The following CLCN3 variants were observed in gnomAD, a reference collection of about 807,000 sequenced individuals.
The protein encoded by CLCN3 is H(+)/Cl(-) exchange transporter 3.
CLCN3 carries 16 observed loss-of-function variants against 83.4 expected under a neutral mutation model. That is an observed-to-expected ratio of 0.19 (90% CI 0.13 to 0.29). CLCN3 has a LOEUF of 0.29. Ranked by LOEUF, CLCN3 falls within the 10% of genes least tolerant of loss-of-function variation. The probability of loss-of-function intolerance (pLI) is 1.00; values close to 1 mark genes in which losing one functional copy is unlikely to be tolerated. For synonymous variants in CLCN3, 322 were observed against 346.2 expected (o/e 0.93, Z 0.78); for missense variants, 544 against 1,006.0 (o/e 0.54, Z 6.21).
intron 12 of CLCN3, among the ~76,000 whole-genome samples, chr4:169,713,632 C>CA (rs766315776): frequency 5.9e-5 from 9 of 152,090 alleles, no homozygotes; most frequent in Admixed American, 2.6e-4. Context: ...TGGAGCACTG[C>CA]AAAAACCTGT....
intron 2 of CLCN3, among the ~76,000 whole-genome samples, chr4:169,661,356 C>A (rs928205431): frequency 6.6e-6 from 1 of 152,130 alleles, no homozygotes; most frequent in African/African-American, 2.4e-5. Flanking sequence ...ATGATTTAAC[C>A]CAAACTTTTA....
intron 2 of CLCN3, among the ~76,000 whole-genome samples, chr4:169,653,049 A>T (rs1730771983): frequency 1.3e-5 from 2 of 152,174 alleles, no homozygotes; most frequent in African/African-American, 2.4e-5. Flanking sequence ...CTAATGGACA[A>T]ATTATGAACA....
intron 1 of CLCN3, among the ~76,000 whole-genome samples, chr4:169,627,609 T>G (rs1773267500): frequency 6.6e-6 from 1 of 152,138 alleles, no homozygotes; most frequent in South Asian, 2.1e-4. Flanking sequence ...AAAACTAGCT[T>G]TGAATACTAG....
At chr4:169,713,790 G>C (rs1036302102) in intron 12 of CLCN3, among the ~76,000 whole-genome samples, 1 of 152,146 alleles carries the variant, frequency 6.6e-6, no homozygotes, top group African/African-American at 2.4e-5. Flanking sequence ...ATTTGTAAAT[G>C]AGCTAAAAAT....
chr4:169,692,976 T>C (rs186114572), intron 7 of CLCN3, among the ~76,000 whole-genome samples: 6 of 152,320 alleles, frequency 3.9e-5, no homozygotes, highest in African/African-American at 1.4e-4. Flanking sequence ...GGCATTTTCC[T>C]GAATCCTTTA....
intron 12 of CLCN3, among the ~76,000 whole-genome samples, chr4:169,719,517 C>G (rs1006229592): frequency 6.6e-6 from 1 of 152,170 alleles, no homozygotes; most frequent in African/African-American, 2.4e-5. Flanking sequence ...AGGATTTGGT[C>G]ATCATTTTAC....
intron 10 of CLCN3, among the ~76,000 whole-genome samples, chr4:169,704,795 T>C (rs1259608188): frequency 1.3e-5 from 2 of 152,228 alleles, no homozygotes; most frequent in African/African-American, 4.8e-5. Context: ...ATTTAAAATA[T>C]CAGCTACACT....
chr4:169,631,353 C>G (rs1030004578), intron 1 of CLCN3, among the ~76,000 whole-genome samples: 1 of 152,156 alleles, frequency 6.6e-6, no homozygotes, highest in African/African-American at 2.4e-5. Context: ...GTGGCGCAAT[C>G]TCGGCTCACT....
At chr4:169,640,659 A>C (rs1181995342) in intron 2 of CLCN3, among the ~76,000 whole-genome samples, 1 of 152,184 alleles carries the variant, frequency 6.6e-6, no homozygotes, top group Non-Finnish European at 1.5e-5. Context: ...TGCAAGTAAC[A>C]GGAAGGGAGA....
chr4:169,657,055 A>C (rs1250493837), intron 2 of CLCN3, among the ~76,000 whole-genome samples: 1 of 152,182 alleles, frequency 6.6e-6, no homozygotes, highest in African/African-American at 2.4e-5. Flanking sequence ...ACTTTAATTA[A>C]TTATCAATTC....
intron 2 of CLCN3, among the ~76,000 whole-genome samples, chr4:169,652,006 A>G (rs1436804339): frequency 1.3e-5 from 2 of 152,184 alleles, no homozygotes; most frequent in African/African-American, 2.4e-5. Context: ...TAATAGAATT[A>G]GAGATACTTA....
intron 1 of CLCN3, among the ~76,000 whole-genome samples, chr4:169,629,229 G>GT (rs1773308062): frequency 6.6e-6 from 1 of 151,978 alleles, no homozygotes; most frequent in South Asian, 2.1e-4. Flanking sequence ...TTGTACTATA[G>GT]TTTTGCGAGA....
At chr4:169,701,590 C>A (rs1287958544) in intron 9 of CLCN3, among the ~76,000 whole-genome samples, 1 of 152,122 alleles carries the variant, frequency 6.6e-6, no homozygotes, top group African/African-American at 2.4e-5. Flanking sequence ...AGGGGCGAAC[C>A]ATACAGATCT....
At chr4:169,691,879 G>T (rs1181288127) in intron 6 of CLCN3, among the ~76,000 whole-genome samples, 4 of 151,872 alleles carry the variant, frequency 2.6e-5, no homozygotes, top group African/African-American at 9.7e-5. Context: ...TTTTGATTTT[G>T]TTCCTGAGAT....
rs751111899 is a variant in CLCN3, at chr4:169,704,067, G to A, written c.1633G>A (p.Val545Met). 6.2e-6 allele frequency: 10 copies of A among 1,614,098 alleles called. 1 individual carries two copies. The South Asian group carries it at 1.1e-4, about 18-fold the overall frequency. Reference sequence around the variant, plus strand: ...CGCAGGAAGGATTGTGGGGATTGCGGTGGAGCAGCTTGCCTACTATCACCA... The same window carrying A: ...CGCAGGAAGGATTGTGGGGATTGCGATGGAGCAGCTTGCCTACTATCACCA... ...AIAGRIVGIA[V>M]EQLAYYHHDW... Residue 545 changes from valine to methionine, a missense_variant, in exon 10 of 13, where the codon GTG (valine) becomes ATG (methionine). This residue lies in a region of CLCN3 where 194 missense variants were observed against 341.4 expected (regional missense o/e 0.57). Coordinates refer to ENST00000513761, the MANE Select transcript of CLCN3 (RefSeq NM_001829.4).
rs555594060 is a variant in CLCN3 at position 169,649,411 on chromosome 4, T to C, written c.160+13323T>C. The stretch of plus-strand genomic sequence containing the variant: ...ATTTAAGAAGATCATTCAGAGGCCA[T>C]GTGGGCAAATGGACTGTTAGGTGGT... On this transcript the variant is annotated intron_variant, in intron 2 of 12. Transcript: ENST00000513761. Among the ~76,000 whole-genome samples, 34 of 152,324 alleles carry C rather than the reference T, an allele frequency of 2.2e-4. 1 individual carries two copies. The South Asian group carries it at 7.1e-3, about 32-fold the overall frequency.
rs948472464 is a variant in CLCN3 at position 169,620,748 on chromosome 4, G to A, written c.-332G>A. 2.5e-6 allele frequency: 1 copy of A among 398,542 alleles called. No individual in the cohort carries two copies. The highest frequency in any genetic ancestry group is 4.4e-5 in the Admixed American group (1 of 22,720). The allele number at this position is 398,542 out of a possible 1,614,324, so 24.7% of individuals were successfully genotyped here. The stretch of plus-strand genomic sequence containing the variant: ...ATGGATTCAGTTTTAGTCTTAAGGG[G>A]GAAGTGAGATTGGAGATTTTTATTT... On this transcript the variant is annotated 5_prime_UTR_variant, in exon 1 of 13. Coordinates refer to ENST00000513761, the MANE Select transcript of CLCN3 (RefSeq NM_001829.4).
intron 2 of CLCN3, among the ~76,000 whole-genome samples, chr4:169,647,632 T>C (rs1730612660): frequency 6.6e-6 from 1 of 152,120 alleles, no homozygotes; most frequent in Non-Finnish European, 1.5e-5. Flanking sequence ...ACAAAAATAA[T>C]GTAGCATGAA....
intron 1 of CLCN3, among the ~76,000 whole-genome samples, chr4:169,632,716 C>CAA (rs559919032): frequency 0.025 from 791 of 32,250 alleles, 140 homozygotes; most frequent in Non-Finnish European, 0.033. Flanking sequence ...GACTCCATCT[C>CAA]AAAAAAAAAA....
Sources: allele counts gnomAD v4.1 joint callset (sites outside exome capture counted in the v4.1 genomes callset), GRCh38; gene constraint gnomAD v4.1.1; regional missense constraint gnomAD v4.1.1; transcripts MANE v1.5; gene names NCBI Gene and HGNC (gene_info 2026-07-23, HGNC 2026-07-21).